The following BBS12 variants were observed in gnomAD, a reference collection of about 807,000 sequenced individuals.
The protein encoded by BBS12 is chaperonin-containing T-complex member BBS12.
Under a neutral mutation model 5.6 loss-of-function variants are expected in BBS12, and 5 were observed. That is an observed-to-expected ratio of 0.89 (90% CI 0.46 to 1.86). The LOEUF is 1.86. Ranked by LOEUF, BBS12 falls within the 40% of genes most tolerant of loss-of-function variation. BBS12 has a pLI of 0.01. For synonymous variants in BBS12, 308 were observed against 306.8 expected (o/e 1.00, Z -0.04); for missense variants, 748 against 830.4 (o/e 0.90, Z 1.22).
chr4:122,706,219 A>ACACT, the BBS12 span, among the ~76,000 whole-genome samples: 8 of 148,884 alleles, frequency 5.4e-5, no homozygotes, highest in African/African-American at 2.0e-4. Context: ...TCTCTCTTCC[A>ACACT]CCCTCCCTCC....
upstream of BBS12, chr4:122,732,624 C>T (rs1388973192): frequency 6.6e-6 from 1 of 152,340 alleles, no homozygotes; most frequent in Non-Finnish European, 1.5e-5. Context: ...CCAGCCCTTT[C>T]TCTCTACTCC....
chr4:122,739,718 C>A (rs1444647339), intron 1 of BBS12, among the ~76,000 whole-genome samples: 1 of 152,222 alleles, frequency 6.6e-6, no homozygotes, highest in Non-Finnish European at 1.5e-5. Flanking sequence ...AGGGGTAGCT[C>A]CTCATTAACT....
intron 1 of BBS12, among the ~76,000 whole-genome samples, chr4:122,735,816 A>G (rs2150732784): frequency 6.6e-6 from 1 of 152,358 alleles, no homozygotes; most frequent in East Asian, 1.9e-4. Flanking sequence ...TAAAAAATAA[A>G]TAAGTAAACT....
chr4:122,743,986 G>C lies in BBS12; in HGVS notation c.2094G>C (p.Gln698His), dbSNP rs373082306. 23 of 1,613,952 alleles carry C rather than the reference G, an allele frequency of 1.4e-5. No homozygotes were observed. Among genetic ancestry groups the C allele is most frequent in the Admixed American group, 1.2e-4 (7 of 59,996 alleles). Residue 698 changes from glutamine to histidine, a missense_variant, in exon 2 of 2, where the codon CAG becomes CAC. By Grantham distance (24) the Gln-to-His change is conservative. Coordinates refer to ENST00000314218, the MANE Select transcript of BBS12 (RefSeq NM_152618.3). The stretch of plus-strand genomic sequence containing the variant: ...TAATTACTGGACATGGACACACACA[G>C]ATAAATTCACAGGAATTAACGGGCT... Reference protein sequence around the residue: ...SEIITGHGHTQINSQELTGFL... With the variant: ...SEIITGHGHTHINSQELTGFL...
chr4:122,716,630 T>C, the BBS12 span, among the ~76,000 whole-genome samples: 2 of 87,718 alleles, frequency 2.3e-5, no homozygotes, highest in African/African-American at 7.8e-5. Context: ...CACATACACA[T>C]ATGTATATAC....
chr4:122,727,220 A>G, the BBS12 span, among the ~76,000 whole-genome samples: 2 of 152,170 alleles, frequency 1.3e-5, no homozygotes, highest in Non-Finnish European at 2.9e-5. Context: ...TGTATATAAA[A>G]TGCTCTTACA....
At chr4:122,716,166 G>A in the BBS12 span, among the ~76,000 whole-genome samples, 11 of 152,016 alleles carry the variant, frequency 7.2e-5, no homozygotes, top group African/African-American at 2.7e-4. Flanking sequence ...TTCATATTTA[G>A]GCAGATTATA....
At chr4:122,704,731 C>A in the BBS12 span, among the ~76,000 whole-genome samples, 1 of 152,186 alleles carries the variant, frequency 6.6e-6, no homozygotes, top group Admixed American at 6.5e-5. Context: ...TGCCCTGTTT[C>A]TTTGCCCTTA....
intron 1 of BBS12, among the ~76,000 whole-genome samples, chr4:122,735,659 C>G (rs1800774211): frequency 6.6e-6 from 1 of 152,022 alleles, no homozygotes; most frequent in South Asian, 2.1e-4. Context: ...TTTGGGGGAA[C>G]AAATATGGTG....
intron 1 of BBS12, among the ~76,000 whole-genome samples, chr4:122,738,190 AAAAAATAGGT>A (rs1039143458): frequency 6.6e-5 from 10 of 152,172 alleles, no homozygotes; most frequent in Admixed American, 5.2e-4. Flanking sequence ...AACAACAACA[AAAAAATAGGT>A]AAATTAGATT....
chr4:122,724,972 GA>G, the BBS12 span, among the ~76,000 whole-genome samples: 1 of 152,110 alleles, frequency 6.6e-6, no homozygotes, highest in Non-Finnish European at 1.5e-5. Context: ...TCAATGCCAT[GA>G]TTTTTTTTTA....
chr4:122,726,191 T>C, the BBS12 span, among the ~76,000 whole-genome samples: 2 of 151,894 alleles, frequency 1.3e-5, no homozygotes, highest in African/African-American at 4.8e-5. Flanking sequence ...AAAGGACCAA[T>C]ATCCAGAACC....
At chr4:122,723,894 A>T in the BBS12 span, among the ~76,000 whole-genome samples, 1 of 152,188 alleles carries the variant, frequency 6.6e-6, no homozygotes, top group Non-Finnish European at 1.5e-5. Flanking sequence ...TGAGTTTCAG[A>T]TGCGTGTGTG....
the BBS12 span, among the ~76,000 whole-genome samples, chr4:122,702,372 G>A: frequency 6.6e-6 from 1 of 152,210 alleles, no homozygotes; most frequent in Non-Finnish European, 1.5e-5. Flanking sequence ...TGGAATAGGA[G>A]CAAAGAGATC....
chr4:122,704,073 C>T, the BBS12 span, among the ~76,000 whole-genome samples: 1 of 152,160 alleles, frequency 6.6e-6, no homozygotes, highest in Non-Finnish European at 1.5e-5. Flanking sequence ...TGGTCATTAA[C>T]TTTTGGGCTC....
intron 1 of BBS12, among the ~76,000 whole-genome samples, chr4:122,737,400 AC>A (rs1463365759): frequency 1.6e-4 from 25 of 152,368 alleles, no homozygotes; most frequent in African/African-American, 5.8e-4. Flanking sequence ...ATAGCCTTTT[AC>A]AAATTAGCTG....
At position 122,732,893 on chromosome 4, in the gene BBS12, T is replaced by G. The variant is rs1800721180; in HGVS notation, c.-11+9T>G. 6.6e-6 allele frequency: 1 copy of G among 152,274 alleles called. No homozygotes were observed. Among genetic ancestry groups the G allele is most frequent in the Non-Finnish European group, 1.5e-5 (1 of 68,096 alleles). The allele number at this position is 152,274 out of a possible 1,614,324, so 9.4% of individuals were successfully genotyped here. A position where few individuals can be genotyped will look rare whatever the true frequency, so the allele number is the denominator to read the frequency against. On this transcript the variant is annotated intron_variant, in intron 1 of 1. Transcript: ENST00000314218. ...GAGGAGAAAGGAGCGAGGTTAGTAGTGAGGTGCTTCCGCTGACTGCTAAGC... is the reference window on the plus strand; with the variant it reads ...GAGGAGAAAGGAGCGAGGTTAGTAGGGAGGTGCTTCCGCTGACTGCTAAGC...
chr4:122,718,106 G>A, the BBS12 span, among the ~76,000 whole-genome samples: 1 of 152,214 alleles, frequency 6.6e-6, no homozygotes. Flanking sequence ...GAAAATCCAT[G>A]TAGAGGAGGT....
the BBS12 span, among the ~76,000 whole-genome samples, chr4:122,716,687 ATGTGT>A: frequency 1.1e-5 from 1 of 87,928 alleles, no homozygotes; most frequent in African/African-American, 4.5e-5. Flanking sequence ...ATATACACAT[ATGTGT>A]ATGTGTGTGT....
Sources: gnomAD v4.1 joint callset for allele counts (sites outside exome capture counted in the v4.1 genomes callset) on GRCh38, gnomAD v4.1.1 for gene constraint, MANE v1.5 for transcripts, NCBI Gene and HGNC (gene_info 2026-07-23, HGNC 2026-07-21) for gene names.